The following SAMD4A variants were observed in gnomAD, a reference collection of about 807,000 sequenced individuals.
SAMD4A encodes protein Smaug homolog 1.
Under a neutral mutation model 81.3 loss-of-function variants are expected in SAMD4A, and 33 were observed. The ratio of observed to expected loss-of-function variants is 0.41; its 90% CI spans 0.31 to 0.54. SAMD4A has a LOEUF of 0.54. Among genes scored for constraint, SAMD4A ranks in the 20% least tolerant of loss-of-function variants. The pLI, the probability that SAMD4A is intolerant of heterozygous loss-of-function variation, is 0.37. For missense variants in SAMD4A, 854 were observed against 951.1 expected, an observed-to-expected ratio of 0.90 and a Z score of 1.34; for synonymous variants, 389 against 382.1, an observed-to-expected ratio of 1.02 and a Z score of -0.21.
chr14:54,596,310 C>T (rs781779225), intron 2 of SAMD4A, among the ~76,000 whole-genome samples: 4 of 152,122 alleles, frequency 2.6e-5, no homozygotes, highest in African/African-American at 7.2e-5. Flanking sequence ...AGGGGCCGGG[C>T]GCAGTGGCTC....
chr14:54,715,163 A>G (rs2037087668), intron 3 of SAMD4A, among the ~76,000 whole-genome samples: 3 of 152,256 alleles, frequency 2.0e-5, no homozygotes, highest in African/African-American at 7.2e-5. Context: ...AGGCCAGGGA[A>G]GTGTGACCAG....
intron 2 of SAMD4A, among the ~76,000 whole-genome samples, chr14:54,574,181 A>G (rs1204561023): frequency 6.6e-6 from 1 of 152,238 alleles, no homozygotes; most frequent in African/African-American, 2.4e-5. Flanking sequence ...CCTCTCAAGT[A>G]GCTTACACTC....
chr14:54,705,752 G>A (rs554652878), intron 3 of SAMD4A, among the ~76,000 whole-genome samples: 11 of 152,284 alleles, frequency 7.2e-5, no homozygotes, highest in East Asian at 1.9e-4. Flanking sequence ...CTAGCACTGC[G>A]TGTAAGTCCA....
chr14:54,745,272 A>G (rs1381259083), intron 4 of SAMD4A, among the ~76,000 whole-genome samples: 1 of 152,146 alleles, frequency 6.6e-6, no homozygotes, highest in Non-Finnish European at 1.5e-5. Context: ...AGCATTGCAT[A>G]TCTCAGCCAT....
chr14:54,651,762 T>C (rs1235793649), intron 2 of SAMD4A, among the ~76,000 whole-genome samples: 3 of 152,236 alleles, frequency 2.0e-5, no homozygotes, highest in African/African-American at 7.2e-5. Flanking sequence ...GTATTCATCA[T>C]AGATAACGTC....
intron 2 of SAMD4A, among the ~76,000 whole-genome samples, chr14:54,598,949 T>C (rs1331507084): frequency 6.6e-6 from 1 of 152,028 alleles, no homozygotes; most frequent in Non-Finnish European, 1.5e-5. Flanking sequence ...GCCTCCTAAG[T>C]AGCTGGGATT....
rs778052233 is a variant in SAMD4A, at chr14:54,748,859, G to A, written c.1024G>A (p.Ala342Thr). The change falls in exon 5 of 13, where the codon GCG becomes ACG. Residue 342 changes from alanine to threonine, a missense_variant. Coordinates refer to ENST00000554335, the MANE Select transcript of SAMD4A (RefSeq NM_015589.6). ...LKSLRLHKYA[A>T]LFSQMTYEEM... ...AAGCCTCCGCCTGCACAAATATGCC[G>A]CGCTTTTCTCCCAGATGACCTATGA... 159 of 1,555,288 alleles carry A rather than the reference G, an allele frequency of 1.0e-4. No individual in the cohort carries two copies. Among genetic ancestry groups the A allele is most frequent in the Admixed American group, 1.2e-4 (6 of 51,328 alleles).
chr14:54,730,881 T>C (rs576455998), intron 3 of SAMD4A, among the ~76,000 whole-genome samples: 1 of 152,358 alleles, frequency 6.6e-6, no homozygotes, highest in South Asian at 2.1e-4. Context: ...TTCAGATTAC[T>C]GGTTGTGACA....
intron 3 of SAMD4A, among the ~76,000 whole-genome samples, chr14:54,720,438 G>C (rs541861338): frequency 5.3e-5 from 8 of 152,218 alleles, no homozygotes; most frequent in African/African-American, 1.9e-4. Context: ...TATGTGTGTA[G>C]ATTTCACCAC....
intron 3 of SAMD4A, among the ~76,000 whole-genome samples, chr14:54,727,133 A>AATGAAGCTT (rs200072061): frequency 0.016 from 2,369 of 147,604 alleles, 35 homozygotes; most frequent in Middle Eastern, 0.1. Context: ...TTCATACCTG[A>AATGAAGCTT]ATGAAGCTTA....
chr14:54,607,715 A>C lies in SAMD4A; in HGVS notation c.196+39603A>C, dbSNP rs530597825. On this transcript the variant is annotated intron_variant, in intron 2 of 12. Coordinates refer to ENST00000554335, the MANE Select transcript of SAMD4A (RefSeq NM_015589.6). ...GTGATCCGCCCGCCTCGGCCTCCCA[A>C]AGTGCTGGGATTACAGGCGTGAGCC... Among the ~76,000 whole-genome samples the C allele has an allele frequency of 2.6e-5, 4 of 152,148 alleles. No homozygotes were observed. The East Asian group carries it at 5.8e-4, about 22-fold the overall frequency.
intron 2 of SAMD4A, among the ~76,000 whole-genome samples, chr14:54,690,959 C>T (rs2036417861): frequency 6.6e-6 from 1 of 152,148 alleles, no homozygotes; most frequent in South Asian, 2.1e-4. Flanking sequence ...TGCCTTCCTC[C>T]ATAGAGTTTA....
intron 2 of SAMD4A, among the ~76,000 whole-genome samples, chr14:54,682,522 T>C (rs1038804437): frequency 6.6e-6 from 1 of 152,216 alleles, no homozygotes; most frequent in Non-Finnish European, 1.5e-5. Flanking sequence ...CATTTCCCAG[T>C]TCCTGATAAC....
intron 3 of SAMD4A, among the ~76,000 whole-genome samples, chr14:54,715,422 C>G (rs2037094866): frequency 6.6e-6 from 1 of 152,088 alleles, no homozygotes; most frequent in Non-Finnish European, 1.5e-5. Flanking sequence ...AGTGAAATGT[C>G]TAGGAGAAGT....
Position 54,568,091 on chromosome 14 carries a change from G to T in SAMD4A, c.175G>T (p.Glu59Ter). 1 of 1,559,842 alleles carries T rather than the reference G, an allele frequency of 6.4e-7. No individual in the cohort carries two copies. Among genetic ancestry groups the T allele is most frequent in the Non-Finnish European group, 8.6e-7 (1 of 1,161,168 alleles). The change falls in exon 2 of 13, where the codon GAA (glutamate) becomes TAA (stop). Residue 59 changes from glutamate to a stop codon, truncating the protein, a stop_gained. Coordinates refer to ENST00000554335, the MANE Select transcript of SAMD4A (RefSeq NM_015589.6). LOFTEE classifies it high-confidence loss of function. ...CGACTGCGCCGAGCTGCACGTCCTC[G>T]AACGCGAGGCCAACAGCCCCGGTAA... Reference protein sequence around the residue: ...LADCAELHVLEREANSPGIIN... With the variant: ...LADCAELHVL
intron 2 of SAMD4A, among the ~76,000 whole-genome samples, chr14:54,638,316 G>C (rs570248195): frequency 6.6e-6 from 1 of 152,244 alleles, no homozygotes; most frequent in East Asian, 1.9e-4. Context: ...TAAACGTTGC[G>C]CATGGAATTT....
intron 4 of SAMD4A, among the ~76,000 whole-genome samples, chr14:54,738,117 T>G (rs766202157): frequency 2.6e-5 from 4 of 152,214 alleles, no homozygotes; most frequent in Non-Finnish European, 4.4e-5. Flanking sequence ...TTTTAGATGG[T>G]GAAACAGTAA....
intron 2 of SAMD4A, chr14:54,668,797 G>A (rs2035810911): frequency 6.6e-6 from 1 of 152,184 alleles, no homozygotes; most frequent in Non-Finnish European, 1.5e-5. Context: ...TACAGGTGAG[G>A]AGACCGAGGC....
intron 2 of SAMD4A, among the ~76,000 whole-genome samples, chr14:54,631,162 C>T (rs182557692): frequency 3.0e-4 from 45 of 152,234 alleles, no homozygotes; most frequent in African/African-American, 9.9e-4. Context: ...GAGGAATTCT[C>T]CCTTACTCAA....
Sources: gnomAD v4.1 joint callset for allele counts (sites outside exome capture counted in the v4.1 genomes callset) on GRCh38, gnomAD v4.1.1 for gene constraint, MANE v1.5 for transcripts, NCBI Gene and HGNC (gene_info 2026-07-23, HGNC 2026-07-21) for gene names.